The following STK4 variants were observed in gnomAD, a reference collection of about 807,000 sequenced individuals.
STK4 encodes serine/threonine kinase 4.
Under a neutral mutation model 64.9 loss-of-function variants are expected in STK4, and 30 were observed. The observed-to-expected ratio is 0.46, with a 90% CI of 0.35 to 0.63. The LOEUF (loss-of-function observed/expected upper bound fraction) is 0.63. Ranked by LOEUF, STK4 falls within the 20% of genes least tolerant of loss-of-function variation. The pLI is 0.01. For synonymous variants in STK4, 177 were observed against 199.0 expected (o/e 0.89, Z 0.93); for missense variants, 466 against 598.5 (o/e 0.78, Z 2.31).
chr20:44,977,564 A>G (rs963168365), intron 2 of STK4, among the ~76,000 whole-genome samples: 4 of 152,196 alleles, frequency 2.6e-5, no homozygotes, highest in African/African-American at 9.6e-5. Context: ...CTTGTAAGGT[A>G]GTTTGTATTA....
intron 5 of STK4, among the ~76,000 whole-genome samples, chr20:44,988,533 G>GTGTGTGTGTGTGTATATAATA (rs1221720136): frequency 9.8e-6 from 1 of 101,576 alleles, no homozygotes; most frequent in African/African-American, 4.8e-5. Flanking sequence ...ATGTGTGTGT[G>GTGTGTGTGTGTGTATATAATA]TATATATATA....
At chr20:45,029,801 G>A (rs965891629) in intron 10 of STK4, among the ~76,000 whole-genome samples, 2 of 152,260 alleles carry the variant, frequency 1.3e-5, no homozygotes, top group East Asian at 3.9e-4. Flanking sequence ...TTTTACAGTA[G>A]TATATCTTCA....
chr20:44,971,926 C>T (rs1400557545), intron 1 of STK4, 152 bp from the exon 2 acceptor site: 3 of 662,096 alleles, frequency 4.5e-6, no homozygotes, highest in Non-Finnish European at 7.5e-6. Context: ...CTGTATCGGC[C>T]TCCCAAGAAA....
At chr20:44,986,763 C>T (rs532457214) in intron 4 of STK4, among the ~76,000 whole-genome samples, 1 of 152,194 alleles carries the variant, frequency 6.6e-6, no homozygotes, top group East Asian at 1.9e-4. Context: ...GGTTTTTGAC[C>T]AGAGCAACTG....
Position 44,966,516 on chromosome 20 carries a change from G to A in STK4, c.-53G>A. 2 of 1,252,888 alleles carry A rather than the reference G, an allele frequency of 1.6e-6. No individual in the cohort carries two copies. Among genetic ancestry groups the A allele is most frequent in the Non-Finnish European group, 2.0e-6 (2 of 989,790 alleles). The allele number at this position is 1,252,888 out of a possible 1,614,324, so 77.6% of individuals were successfully genotyped here. The stretch of plus-strand genomic sequence containing the variant: ...GAGGGTCTGCGGGGCGGGCTCAGGA[G>A]GTCCGCGGGAGGATGGAGCAGTGAG... On this transcript the variant is annotated 5_prime_UTR_variant, in exon 1 of 11. Coordinates refer to ENST00000372806, the MANE Select transcript of STK4 (RefSeq NM_006282.5).
chr20:45,022,666 C>T (rs1355575401), intron 9 of STK4, among the ~76,000 whole-genome samples: 1 of 152,164 alleles, frequency 6.6e-6, no homozygotes, highest in Non-Finnish European at 1.5e-5. Flanking sequence ...CTTAAGTCCA[C>T]CTGTATTGCA....
chr20:44,993,835 C>A (rs959494516), intron 5 of STK4, among the ~76,000 whole-genome samples: 1 of 152,062 alleles, frequency 6.6e-6, no homozygotes, highest in Non-Finnish European at 1.5e-5. Flanking sequence ...AAAAATTAGT[C>A]GGGCATGATG....
intron 10 of STK4, among the ~76,000 whole-genome samples, chr20:45,028,577 C>T (rs757582664): frequency 2.3e-4 from 35 of 152,072 alleles, no homozygotes; most frequent in African/African-American, 6.8e-4. Context: ...TCCTCCTGCC[C>T]GGGCCTCCCA....
intron 9 of STK4, among the ~76,000 whole-genome samples, chr20:45,008,262 C>T (rs1446563855): frequency 6.6e-6 from 1 of 152,170 alleles, no homozygotes; most frequent in Non-Finnish European, 1.5e-5. Flanking sequence ...ACCATGTCGT[C>T]CAGGCTGGTC....
intron 1 of STK4, among the ~76,000 whole-genome samples, chr20:44,968,755 A>G (rs2067196534): frequency 6.6e-6 from 1 of 152,246 alleles, no homozygotes; most frequent in Admixed American, 6.5e-5. Flanking sequence ...TATTAAAAGC[A>G]CAAGAGAAGA....
At chr20:45,049,855 G>A (rs2145435607) in intron 10 of STK4, among the ~76,000 whole-genome samples, 1 of 152,272 alleles carries the variant, frequency 6.6e-6, no homozygotes, top group African/African-American at 2.4e-5. Flanking sequence ...GGAAAGCCAA[G>A]TGTAGTCCTC....
At chr20:44,980,730 G>A (rs942189191) in intron 3 of STK4, among the ~76,000 whole-genome samples, 3 of 152,002 alleles carry the variant, frequency 2.0e-5, no homozygotes, top group Non-Finnish European at 2.9e-5. Flanking sequence ...GTGCAGTGGC[G>A]CGATCTCGAC....
rs756858255 is a variant in STK4 at position 44,981,959 on chromosome 20, A to G, written c.360+16A>G. 4.4e-5 allele frequency: 69 copies of G among 1,559,576 alleles called. No individual in the cohort carries two copies. Among genetic ancestry groups the G allele is most frequent in the Non-Finnish European group, 6.0e-5 (68 of 1,130,576 alleles). ...AAATAAAACGGTAGGTTTACCTTCT[A>G]GAACATGCAACTGAGCTAGTTTCTT... On this transcript the variant is annotated intron_variant, in intron 4 of 10. Transcript: ENST00000372806.
chr20:45,062,788 C>A (rs976893216), intron 10 of STK4, among the ~76,000 whole-genome samples: 2 of 151,632 alleles, frequency 1.3e-5, no homozygotes, highest in South Asian at 2.1e-4. Context: ...CGCCATTCCC[C>A]GGCCTCAGCC....
At chr20:45,058,665 C>T (rs116328769) in intron 10 of STK4, among the ~76,000 whole-genome samples, 2,157 of 152,030 alleles carry the variant, frequency 0.014, 39 homozygotes, top group African/African-American at 0.043. Context: ...AATTTCCAGC[C>T]CAAGAAAGCA....
At chr20:45,056,831 G>A (rs549453806) in intron 10 of STK4, among the ~76,000 whole-genome samples, 86 of 152,324 alleles carry the variant, frequency 5.6e-4, no homozygotes, top group African/African-American at 2.0e-3. Context: ...GGCTGAGGGC[G>A]TATATCCAAG....
At chr20:45,015,133 G>T (rs2068117834) in intron 9 of STK4, among the ~76,000 whole-genome samples, 1 of 152,214 alleles carries the variant, frequency 6.6e-6, no homozygotes, top group African/African-American at 2.4e-5. Context: ...AAAGTCCTAA[G>T]TTTCATGAAG....
At chr20:45,000,966 G>A (rs1425603833) in intron 8 of STK4, among the ~76,000 whole-genome samples, 2 of 152,158 alleles carry the variant, frequency 1.3e-5, no homozygotes, top group Non-Finnish European at 2.9e-5. Context: ...TTCCTTTAGG[G>A]TTAGATACAC....
At chr20:44,984,546 A>G (rs1225073807) in intron 4 of STK4, among the ~76,000 whole-genome samples, 1 of 151,996 alleles carries the variant, frequency 6.6e-6, no homozygotes, top group African/African-American at 2.4e-5. Flanking sequence ...GCCAAATGTT[A>G]TAACTCTGCC....
Sources: allele counts gnomAD v4.1 joint callset (sites outside exome capture counted in the v4.1 genomes callset), GRCh38; gene constraint gnomAD v4.1.1; transcripts MANE v1.5; gene names NCBI Gene and HGNC (gene_info 2026-07-23, HGNC 2026-07-21).